Variants in ADGRL2 observed in about 807,000 individuals in gnomAD.
ADGRL2 encodes the protein calcium-independent alpha-latrotoxin receptor 2.
In ADGRL2, 44 loss-of-function variants were observed where a neutral mutation model predicts 157.4. The ratio of observed to expected loss-of-function variants is 0.28; its 90% CI spans 0.22 to 0.36. The LOEUF (loss-of-function observed/expected upper bound fraction) is 0.36, where lower values mean the gene tolerates loss of function less well. Among genes scored for constraint, ADGRL2 ranks in the 10% least tolerant of loss-of-function variants. The pLI is 1.00. For synonymous variants in ADGRL2, 585 were observed against 624.7 expected, an observed-to-expected ratio of 0.94 and a Z score of 0.95; for missense variants, 1,510 against 1,768.9, an observed-to-expected ratio of 0.85 and a Z score of 2.63.
intron 2 of ADGRL2, among the ~76,000 whole-genome samples, chr1:81,902,158 C>T (rs1011443812): frequency 6.6e-6 from 1 of 152,074 alleles, no homozygotes; most frequent in African/African-American, 2.4e-5. Flanking sequence ...AGGGGTTTGT[C>T]TATTAATAAA....
chr1:81,426,118 T>C (rs760948728), intron 1 of ADGRL2, among the ~76,000 whole-genome samples: 2 of 152,214 alleles, frequency 1.3e-5, no homozygotes, highest in Admixed American at 6.5e-5. Context: ...CGTATTTTTA[T>C]GGACAAGTTT....
intron 2 of ADGRL2, among the ~76,000 whole-genome samples, chr1:81,553,510 G>C (rs948015283): frequency 2.0e-5 from 3 of 152,162 alleles, no homozygotes; most frequent in African/African-American, 7.2e-5. Context: ...TGTAGTATTA[G>C]AGGGTACTGT....
chr1:81,421,944 C>T (rs1054571811), intron 1 of ADGRL2, among the ~76,000 whole-genome samples: 5 of 152,296 alleles, frequency 3.3e-5, no homozygotes, highest in African/African-American at 1.2e-4. Context: ...TGGGAACATA[C>T]TACCTCTATA....
chr1:81,920,753 C>T (rs984162896), intron 3 of ADGRL2, among the ~76,000 whole-genome samples: 6 of 151,902 alleles, frequency 3.9e-5, no homozygotes, highest in Non-Finnish European at 8.8e-5. Flanking sequence ...CAATAAGCCT[C>T]TGAGAGATCT....
At chr1:81,617,406 G>T (rs2081682345) in intron 3 of ADGRL2, among the ~76,000 whole-genome samples, 1 of 152,176 alleles carries the variant, frequency 6.6e-6, no homozygotes, top group South Asian at 2.1e-4. Flanking sequence ...CAAAAAGATT[G>T]GGGACTGCTA....
intron 3 of ADGRL2, among the ~76,000 whole-genome samples, chr1:81,912,050 T>C (rs1248383078): frequency 5.9e-5 from 9 of 151,732 alleles, no homozygotes; most frequent in East Asian, 1.9e-4. Flanking sequence ...ACTTACATTA[T>C]GATGTTTCTT....
At chr1:81,325,260 T>C (rs928866778) in intron 1 of ADGRL2, among the ~76,000 whole-genome samples, 2 of 152,156 alleles carry the variant, frequency 1.3e-5, no homozygotes, top group Admixed American at 6.5e-5. Flanking sequence ...TCCAGAAACC[T>C]GCCTTAGAAG....
chr1:81,871,713 G>T (rs1398819491), intron 2 of ADGRL2, among the ~76,000 whole-genome samples: 1 of 152,038 alleles, frequency 6.6e-6, no homozygotes, highest in African/African-American at 2.4e-5. Context: ...TCATGTGTCT[G>T]TTGGCTGCAT....
chr1:81,440,820 A>G (rs1322359612), intron 1 of ADGRL2, among the ~76,000 whole-genome samples: 2 of 152,106 alleles, frequency 1.3e-5, no homozygotes, highest in South Asian at 2.1e-4. Context: ...GCAATTGCCA[A>G]TTCCTATTGA....
intron 2 of ADGRL2, among the ~76,000 whole-genome samples, chr1:81,838,636 T>C (rs557203127): frequency 6.6e-6 from 1 of 152,228 alleles, no homozygotes; most frequent in African/African-American, 2.4e-5. Flanking sequence ...AATGTTTTTA[T>C]ACATTTAAAA....
intron 1 of ADGRL2, among the ~76,000 whole-genome samples, chr1:81,321,906 A>G (rs1172015583): frequency 1.3e-5 from 2 of 152,004 alleles, no homozygotes; most frequent in Non-Finnish European, 2.9e-5. Flanking sequence ...AAAAAAACAC[A>G]GTAGCTGCAA....
intron 2 of ADGRL2, among the ~76,000 whole-genome samples, chr1:81,470,863 T>C (rs2078157199): frequency 6.6e-6 from 1 of 152,242 alleles, no homozygotes; most frequent in South Asian, 2.1e-4. Flanking sequence ...TTATTTTTAA[T>C]TTATTAATTT....
chr1:81,545,407 A>G (rs1343296572), intron 2 of ADGRL2, among the ~76,000 whole-genome samples: 1 of 151,104 alleles, frequency 6.6e-6, no homozygotes, highest in African/African-American at 2.4e-5. Flanking sequence ...CTGCCTCCCC[A>G]GTAGCTGAGA....
chr1:81,630,478 C>A (rs56345817), intron 3 of ADGRL2, among the ~76,000 whole-genome samples: 13 of 152,216 alleles, frequency 8.5e-5, no homozygotes, highest in Non-Finnish European at 1.0e-4. Context: ...AGTCCAACTG[C>A]AATTTTTTAA....
intron 3 of ADGRL2, among the ~76,000 whole-genome samples, chr1:81,604,452 T>G (rs1266729341): frequency 6.6e-6 from 1 of 152,132 alleles, no homozygotes; most frequent in Non-Finnish European, 1.5e-5. Context: ...CAAGTTGCCT[T>G]CACAAGATTC....
intron 1 of ADGRL2, among the ~76,000 whole-genome samples, chr1:81,752,273 A>G (rs1054737691): frequency 6.6e-6 from 1 of 152,162 alleles, no homozygotes; most frequent in Non-Finnish European, 1.5e-5. Flanking sequence ...TTGATCTTGG[A>G]CTTCCCTGCC....
At chr1:81,580,255 G>A (rs552453113) in intron 2 of ADGRL2, among the ~76,000 whole-genome samples, 3 of 151,964 alleles carry the variant, frequency 2.0e-5, no homozygotes, top group African/African-American at 7.3e-5. Context: ...CCAAAGTGCT[G>A]TCTGTGCTCA....
At chr1:81,352,683 C>T (rs555809917) in intron 1 of ADGRL2, among the ~76,000 whole-genome samples, 240 of 152,186 alleles carry the variant, frequency 1.6e-3, no homozygotes, top group Middle Eastern at 3.4e-3. Context: ...GTTTTTAAAC[C>T]TCCGTTGGTA....
At chr1:81,520,198 G>T (rs1240347154) in intron 2 of ADGRL2, among the ~76,000 whole-genome samples, 3 of 152,102 alleles carry the variant, frequency 2.0e-5, no homozygotes, top group Non-Finnish European at 2.9e-5. Context: ...CCCTGGTATT[G>T]CCTGCTGCCT....
Sources: allele counts gnomAD v4.1 joint callset (sites outside exome capture counted in the v4.1 genomes callset), GRCh38; gene constraint gnomAD v4.1.1; transcripts MANE v1.5; gene names NCBI Gene and HGNC (gene_info 2026-07-23, HGNC 2026-07-21).